The following PCDHGA1 variants were observed in gnomAD, a reference collection of about 807,000 sequenced individuals.
The protein encoded by PCDHGA1 is protocadherin gamma subfamily A, 1.
PCDHGA1 carries 32 observed loss-of-function variants against 58.0 expected under a neutral mutation model. The observed-to-expected ratio is 0.55, with a 90% confidence interval of 0.42 to 0.74. The LOEUF is 0.74. Among genes scored for constraint, PCDHGA1 ranks in the 30% least tolerant of loss-of-function variants. PCDHGA1 has a pLI of 0.00. For missense variants in PCDHGA1, 1,205 were observed against 1,182.3 expected (o/e 1.02, Z -0.28); for synonymous variants, 498 against 501.1 (o/e 0.99, Z 0.08).
intron 2 of PCDHGA1, among the ~76,000 whole-genome samples, chr5:141,495,094 C>T (rs1470702358): frequency 6.6e-6 from 1 of 152,156 alleles, no homozygotes; most frequent in African/African-American, 2.4e-5. Flanking sequence ...CTTCCCTCCT[C>T]GCCACGACCG....
At chr5:141,472,323 C>T (rs980684595) in intron 1 of PCDHGA1, among the ~76,000 whole-genome samples, 4 of 151,498 alleles carry the variant, frequency 2.6e-5, no homozygotes, top group East Asian at 2.0e-4. Flanking sequence ...AGGCAGATCA[C>T]GAGGTTGGGA....
intron 1 of PCDHGA1, chr5:141,478,480 G>C (rs1444434721): frequency 1.9e-6 from 3 of 1,613,564 alleles, no homozygotes; most frequent in South Asian, 2.2e-5. Flanking sequence ...GCCAGAACAC[G>C]CTGCGGAGCT....
intron 1 of PCDHGA1, among the ~76,000 whole-genome samples, chr5:141,481,593 G>A (rs575017133): frequency 1.3e-5 from 2 of 152,172 alleles, no homozygotes; most frequent in African/African-American, 2.4e-5. Context: ...TGAGGCCAGC[G>A]GATCACCTGA....
chr5:141,398,171 C>T (rs773536231), intron 1 of PCDHGA1: 3 of 1,476,352 alleles, frequency 2.0e-6, no homozygotes, highest in Non-Finnish European at 2.7e-6. Flanking sequence ...GAGAGGCTGC[C>T]AGTGCTCTTT....
chr5:141,427,892 C>G (rs752723370), intron 1 of PCDHGA1: 2 of 1,567,044 alleles, frequency 1.3e-6, no homozygotes, highest in African/African-American at 2.7e-5. Context: ...ACGACCAGGG[C>G]TCGCCCGCGC....
In PCDHGA1 at chr5:141,476,327, G is replaced by A. The variant is rs2099389169; in HGVS notation, c.2422-18480G>A. The A allele has an allele frequency of 1.2e-6, 2 of 1,614,192 alleles. No individual in the cohort carries two copies. Among genetic ancestry groups the A allele is most frequent in the African/African-American group, 1.3e-5 (1 of 75,046 alleles). On this transcript the variant is annotated intron_variant, in intron 1 of 3. Transcript: ENST00000517417. The surrounding 1 kb of genome is among the most constrained non-coding windows in gnomAD (Gnocchi z 7.6). ...AGCCCGCAGGTTCCGGGTGGTGTCT[G>A]GAGCTAGCCGAAGATTCTTTGAGGT...
intron 1 of PCDHGA1, chr5:141,405,039 C>T (rs1227328278): frequency 1.2e-6 from 2 of 1,613,880 alleles, no homozygotes; most frequent in Non-Finnish European, 1.7e-6. Flanking sequence ...CTCGTTGTGG[C>T]TGTGGCAGTC....
intron 1 of PCDHGA1, among the ~76,000 whole-genome samples, chr5:141,463,024 A>G (rs2099051235): frequency 6.6e-6 from 1 of 152,070 alleles, no homozygotes; most frequent in South Asian, 2.1e-4. Context: ...GACTTTTTTG[A>G]TTAATCTGAG....
chr5:141,490,956 A>T lies in PCDHGA1; in HGVS notation c.2422-3851A>T. 1.2e-6 allele frequency: 2 copies of T among 1,613,828 alleles called. No homozygotes were observed. The highest frequency in any genetic ancestry group is 1.7e-6 in the Non-Finnish European group (2 of 1,179,852). ...TGCTGCACCCACGGCCAGACTGGGA[A>T]CACTCAGCCCCCCAGCGTCTCCCTC... On this transcript the variant is annotated intron_variant, in intron 1 of 3. Transcript: ENST00000517417. The surrounding 1 kb of genome is among the most constrained non-coding windows in gnomAD (Gnocchi z 5.4).
intron 1 of PCDHGA1, among the ~76,000 whole-genome samples, chr5:141,484,072 G>A (rs2099591675): frequency 6.6e-6 from 1 of 152,258 alleles, no homozygotes; most frequent in Admixed American, 6.5e-5. Flanking sequence ...TGAAAAGCTT[G>A]CTCTTTTGAA....
At chr5:141,339,228 C>T (rs1210023241) in intron 1 of PCDHGA1, 1 of 1,614,206 alleles carries the variant, frequency 6.2e-7, no homozygotes, top group Non-Finnish European at 8.5e-7. Context: ...AGCTTGGTCA[C>T]TGCGAACAGG....
intron 1 of PCDHGA1, chr5:141,419,724 G>A (rs200134846): frequency 1.9e-4 from 301 of 1,613,488 alleles, no homozygotes; most frequent in South Asian, 1.2e-3. Context: ...CTGGGGCTGC[G>A]AACAGGCGAG....
intron 1 of PCDHGA1, chr5:141,374,744 G>A: frequency 1.2e-6 from 2 of 1,611,982 alleles, no homozygotes; most frequent in East Asian, 2.2e-5. Context: ...CGGCGACCCT[G>A]TCCGCTCAAG....
chr5:141,383,714 G>T (rs1561598272), intron 1 of PCDHGA1: 3 of 1,613,972 alleles, frequency 1.9e-6, no homozygotes, highest in Middle Eastern at 1.6e-4. Context: ...CTGGACGAGG[G>T]AGTCAATGGG....
At chr5:141,367,515 A>C (rs998835316) in intron 1 of PCDHGA1, 2 of 151,238 alleles carry the variant, frequency 1.3e-5, no homozygotes, top group African/African-American at 2.4e-5. Flanking sequence ...CCAGCCTGGG[A>C]GACAGAACGA....
intron 2 of PCDHGA1, among the ~76,000 whole-genome samples, chr5:141,504,078 CCAAA>C (rs1272625151): frequency 6.6e-6 from 1 of 152,078 alleles, no homozygotes; most frequent in South Asian, 2.1e-4. Context: ...CCAGATGGTG[CCAAA>C]CAGTTACCTA....
rs2098680935 is a variant in PCDHGA1, at chr5:141,450,471, G to A, written c.2422-44336G>A. 2.0e-5 allele frequency among the ~76,000 whole-genome samples: 3 copies of A among 147,910 alleles called. No homozygotes were observed. In the South Asian group the frequency reaches 6.2e-4, roughly 31 times the overall value. ...GTTTCCTCGTGATTTTATATATAGA[G>A]TTTGTTTGTTTGTTTGTCTGTTTGT... On this transcript the variant is annotated intron_variant, in intron 1 of 3. Transcript: ENST00000517417.
At position 141,399,853 on chromosome 5, in the gene PCDHGA1, C is replaced by T. The variant is rs530551805; in HGVS notation, c.2421+66748C>T. 48 of 1,612,978 alleles carry T rather than the reference C, an allele frequency of 3.0e-5. 1 individual carries two copies. In the East Asian group the frequency reaches 9.4e-4, roughly 31 times the overall value. On this transcript the variant is annotated intron_variant, in intron 1 of 3. Transcript: ENST00000517417. ...CTCTGCGCTCTTCGATATGGTGCCGCGCGCTGCAGAGCCCGGCTACCTGGT... is the reference window on the plus strand; with the variant it reads ...CTCTGCGCTCTTCGATATGGTGCCGTGCGCTGCAGAGCCCGGCTACCTGGT...
chr5:141,399,776 A>T, intron 1 of PCDHGA1: 1 of 1,613,218 alleles, frequency 6.2e-7, no homozygotes, highest in African/African-American at 1.3e-5. Context: ...TTGGTGGGCG[A>T]CCGAAACGAC....
Sources: allele counts gnomAD v4.1 joint callset (sites outside exome capture counted in the v4.1 genomes callset), GRCh38; gene constraint gnomAD v4.1.1; non-coding constraint Gnocchi (gnomAD v3.1); transcripts MANE v1.5; gene names NCBI Gene and HGNC (gene_info 2026-07-23, HGNC 2026-07-21).